Variants in EXOC6 observed in about 807,000 individuals in gnomAD.
EXOC6 encodes the protein SEC15-like 1.
In EXOC6, 60 loss-of-function variants were observed where a neutral mutation model predicts 112.5. The observed-to-expected ratio is 0.53, with a 90% CI of 0.43 to 0.66. The LOEUF (loss-of-function observed/expected upper bound fraction) is 0.66, where lower values mean the gene tolerates loss of function less well. Among genes scored for constraint, EXOC6 ranks in the 30% least tolerant of loss-of-function variants. The probability of loss-of-function intolerance (pLI) is 0.00; values close to 1 mark genes in which losing one functional copy is unlikely to be tolerated. For synonymous variants in EXOC6, 295 were observed against 308.0 expected, an observed-to-expected ratio of 0.96 and a Z score of 0.44; for missense variants, 855 against 957.1, an observed-to-expected ratio of 0.89 and a Z score of 1.41.
chr10:92,968,075 C>A (rs2134065648), intron 17 of EXOC6, among the ~76,000 whole-genome samples: 1 of 151,968 alleles, frequency 6.6e-6, no homozygotes, highest in Admixed American at 6.5e-5. Flanking sequence ...CATTTACCAT[C>A]TTAGGTACCT....
intron 19 of EXOC6, among the ~76,000 whole-genome samples, chr10:93,002,751 A>G (rs975260501): frequency 2.6e-5 from 4 of 152,216 alleles, no homozygotes; most frequent in African/African-American, 9.6e-5. Context: ...GCTAGCATGA[A>G]GAGTTAATAA....
intron 1 of EXOC6, chr10:92,878,121 T>C (rs1339534457): frequency 6.6e-6 from 1 of 152,592 alleles, no homozygotes; most frequent in African/African-American, 2.5e-5. Flanking sequence ...GCTGGTAGAT[T>C]GACTGCTTTT....
At chr10:92,829,812 C>G (rs548110941), upstream of EXOC6, among the ~76,000 whole-genome samples, 1 of 152,182 alleles carries the variant, frequency 6.6e-6, no homozygotes, top group Non-Finnish European at 1.5e-5. Context: ...AGCCAAATCC[C>G]ACCGAAACCA....
At chr10:92,910,277 G>C (rs1049442556) in intron 6 of EXOC6, among the ~76,000 whole-genome samples, 1 of 152,142 alleles carries the variant, frequency 6.6e-6, no homozygotes, top group Non-Finnish European at 1.5e-5. Context: ...TCATACAATG[G>C]AATACTACCT....
intron 19 of EXOC6, among the ~76,000 whole-genome samples, chr10:93,010,023 G>A (rs959777259): frequency 6.6e-6 from 1 of 152,158 alleles, no homozygotes. Flanking sequence ...ATGATAGTTT[G>A]TACTAAGGTA....
intron 20 of EXOC6, among the ~76,000 whole-genome samples, chr10:93,051,973 G>T (rs2134376649): frequency 6.6e-6 from 1 of 152,310 alleles, no homozygotes; most frequent in African/African-American, 2.4e-5. Context: ...GACTGAGGTT[G>T]ACCCTGAGCC....
At chr10:92,989,904 G>C (rs1272389769) in intron 18 of EXOC6, among the ~76,000 whole-genome samples, 1 of 152,116 alleles carries the variant, frequency 6.6e-6, no homozygotes, top group African/African-American at 2.4e-5. Flanking sequence ...TTATGTTGTA[G>C]TTATTTCTGT....
chr10:92,952,429 A>G (rs767582846), intron 15 of EXOC6, 47 bp downstream of exon 15: 1 of 1,125,638 alleles, frequency 8.9e-7, no homozygotes, highest in South Asian at 1.3e-5. Flanking sequence ...CTTTTATGAA[A>G]CATTAATACT....
intron 1 of EXOC6, among the ~76,000 whole-genome samples, chr10:92,889,804 C>T (rs759923027): frequency 1.3e-5 from 2 of 151,652 alleles, no homozygotes; most frequent in African/African-American, 4.9e-5. Flanking sequence ...GGTTGGAGTG[C>T]GGTGGCACAA....
At chr10:92,976,226 T>C (rs902328922) in intron 18 of EXOC6, among the ~76,000 whole-genome samples, 21 of 152,124 alleles carry the variant, frequency 1.4e-4, no homozygotes, top group African/African-American at 4.8e-4. Flanking sequence ...TTTTGTGGAA[T>C]AGAAAGGGGG....
intron 1 of EXOC6, among the ~76,000 whole-genome samples, chr10:92,836,636 T>C (rs1846666985): frequency 6.6e-6 from 1 of 152,208 alleles, no homozygotes; most frequent in Non-Finnish European, 1.5e-5. Context: ...AGCCTTTATC[T>C]GGGACAGTAT....
At chr10:92,829,868 A>C (rs1846445106), upstream of EXOC6, among the ~76,000 whole-genome samples, 1 of 152,158 alleles carries the variant, frequency 6.6e-6, no homozygotes, top group South Asian at 2.1e-4. Context: ...TGCTCATTAT[A>C]ATGCATTAGC....
At chr10:92,857,533 G>A (rs1847659045) in intron 1 of EXOC6, among the ~76,000 whole-genome samples, 1 of 151,946 alleles carries the variant, frequency 6.6e-6, no homozygotes, top group Admixed American at 6.6e-5. Flanking sequence ...TTCATTTGTT[G>A]CTGGGTTTTT....
intron 20 of EXOC6, among the ~76,000 whole-genome samples, chr10:93,042,672 A>G (rs1845835300): frequency 6.6e-6 from 1 of 152,222 alleles, no homozygotes; most frequent in Admixed American, 6.5e-5. Flanking sequence ...CAGAACTGTG[A>G]GAAATACATT....
chr10:93,017,620 G>A (rs1844592924), intron 20 of EXOC6, among the ~76,000 whole-genome samples: 8 of 151,918 alleles, frequency 5.3e-5, no homozygotes, highest in Admixed American at 5.2e-4. Context: ...TGGGTACAAT[G>A]TATACTACTT....
At chr10:92,976,827 G>C (rs1354571666) in intron 18 of EXOC6, among the ~76,000 whole-genome samples, 1 of 152,026 alleles carries the variant, frequency 6.6e-6, no homozygotes, top group African/African-American at 2.4e-5. Context: ...TGGACAGTTG[G>C]TTGATGAAAC....
At chr10:92,953,635 A>G (rs1589901862) in intron 15 of EXOC6, among the ~76,000 whole-genome samples, 1 of 152,314 alleles carries the variant, frequency 6.6e-6, no homozygotes, top group African/African-American at 2.4e-5. Context: ...TCCACCCTAA[A>G]ATGTCAATAG....
rs1183947909 is a variant in EXOC6 at position 92,896,141 on chromosome 10, GTATGTGTATATATATA to G, written c.412+1125_412+1140del. Among the ~76,000 whole-genome samples, 22 of 33,678 alleles carry G rather than the reference GTATGTGTATATATATA, an allele frequency of 6.5e-4. 1 individual carries two copies. The highest frequency in any genetic ancestry group is 2.9e-3 in the African/African-American group (21 of 7,192). 22.1% of individuals were successfully genotyped at this position (33,678 alleles called of 152,430 possible). A position where few individuals can be genotyped will look rare whatever the true frequency, so the allele number is the denominator to read the frequency against. On this transcript the variant is annotated intron_variant, in intron 4 of 21. Coordinates refer to ENST00000260762, the MANE Select transcript of EXOC6 (RefSeq NM_019053.6). ...TATATGTGTGTGTGTGTGTGTGTAT[GTATGTGTATATATATA>G]TATATATATATATATATATATATAT...
intron 20 of EXOC6, among the ~76,000 whole-genome samples, chr10:93,050,759 C>CAAAGAAAAAAA (rs1846243668): frequency 2.7e-5 from 1 of 37,306 alleles, no homozygotes; most frequent in African/African-American, 1.1e-4. Flanking sequence ...GACTCCGTCT[C>CAAAGAAAAAAA]AAAAAAAAAA....
Sources: gnomAD v4.1 joint callset for allele counts (sites outside exome capture counted in the v4.1 genomes callset) on GRCh38, gnomAD v4.1.1 for gene constraint, MANE v1.5 for transcripts, NCBI Gene and HGNC (gene_info 2026-07-23, HGNC 2026-07-21) for gene names.